Variants in DPP10 observed in about 807,000 individuals in gnomAD.
DPP10 encodes inactive dipeptidyl peptidase 10.
In DPP10, 33 loss-of-function variants were observed where a neutral mutation model predicts 120.9. That is an observed-to-expected ratio of 0.27 (90% CI 0.21 to 0.37). The LOEUF is 0.37. Ranked by LOEUF, DPP10 falls within the 10% of genes least tolerant of loss-of-function variation. The probability of loss-of-function intolerance (pLI) is 1.00; values close to 1 mark genes in which losing one functional copy is unlikely to be tolerated. For synonymous variants in DPP10, 337 were observed against 326.1 expected (o/e 1.03, Z -0.36); for missense variants, 816 against 942.8 (o/e 0.87, Z 1.76).
At chr2:115,245,496 G>A (rs2058493391) in intron 1 of DPP10, among the ~76,000 whole-genome samples, 1 of 152,108 alleles carries the variant, frequency 6.6e-6, no homozygotes, top group South Asian at 2.1e-4. Context: ...TGGCATGGAT[G>A]TGGTGAAAAG....
At chr2:115,401,656 T>C (rs1285330535) in intron 3 of DPP10, among the ~76,000 whole-genome samples, 1 of 152,104 alleles carries the variant, frequency 6.6e-6, no homozygotes, top group Admixed American at 6.5e-5. Context: ...ACAATAGTAA[T>C]GGTAAAATAC....
At chr2:115,542,411 GAT>G (rs1398338995) in intron 5 of DPP10, among the ~76,000 whole-genome samples, 2 of 151,908 alleles carry the variant, frequency 1.3e-5, no homozygotes, top group South Asian at 4.1e-4. Context: ...TGTGTGCCAA[GAT>G]TTTGTTCCTT....
intron 3 of DPP10, among the ~76,000 whole-genome samples, chr2:115,386,403 C>T (rs2066932430): frequency 1.3e-5 from 2 of 152,052 alleles, no homozygotes; most frequent in South Asian, 2.1e-4. Flanking sequence ...CTCAGTGATG[C>T]GAGCACTCAG....
intron 1 of DPP10, among the ~76,000 whole-genome samples, chr2:114,716,802 T>C (rs1701377594): frequency 6.6e-6 from 1 of 152,190 alleles, no homozygotes; most frequent in Non-Finnish European, 1.5e-5. Context: ...TCTCTAAAAA[T>C]CATAGTATTT....
intron 1 of DPP10, among the ~76,000 whole-genome samples, chr2:115,034,152 C>T (rs1704055542): frequency 6.6e-6 from 1 of 152,042 alleles, no homozygotes; most frequent in African/African-American, 2.4e-5. Context: ...GCCTCAGCCT[C>T]CCAGAGTGCT....
At chr2:115,357,852 C>G (rs2064503777) in intron 3 of DPP10, among the ~76,000 whole-genome samples, 1 of 152,178 alleles carries the variant, frequency 6.6e-6, no homozygotes. Context: ...GGACCAACAC[C>G]ATGTGGAAGC....
intron 1 of DPP10, among the ~76,000 whole-genome samples, chr2:114,966,925 C>T (rs1699074495): frequency 6.6e-6 from 1 of 152,032 alleles, no homozygotes; most frequent in South Asian, 2.1e-4. Flanking sequence ...GCCTGTAATC[C>T]CAGCTACTTG....
chr2:114,622,067 T>C (rs1694131231), intron 1 of DPP10, among the ~76,000 whole-genome samples: 1 of 151,908 alleles, frequency 6.6e-6, no homozygotes, highest in Admixed American at 6.6e-5. Context: ...AGTTGAGTAA[T>C]AGACTAATAC....
intron 1 of DPP10, among the ~76,000 whole-genome samples, chr2:114,790,082 CTAA>C (rs1683110624): frequency 6.6e-6 from 1 of 152,092 alleles, no homozygotes; most frequent in South Asian, 2.1e-4. Context: ...GAATATTGTG[CTAA>C]TAAGTGTGAG....
intron 3 of DPP10, among the ~76,000 whole-genome samples, chr2:115,449,146 A>C (rs1395379523): frequency 4.6e-5 from 7 of 152,176 alleles, no homozygotes; most frequent in African/African-American, 1.7e-4. Context: ...AGTTTGATTT[A>C]CGCAAAAAAA....
At chr2:115,449,216 A>C (rs994382873) in intron 3 of DPP10, among the ~76,000 whole-genome samples, 2 of 152,132 alleles carry the variant, frequency 1.3e-5, no homozygotes, top group African/African-American at 4.8e-5. Flanking sequence ...TAAGTTAATA[A>C]ATTTTGGAAA....
intron 1 of DPP10, among the ~76,000 whole-genome samples, chr2:114,720,404 T>C (rs1221853050): frequency 6.6e-6 from 1 of 152,210 alleles, no homozygotes; most frequent in Non-Finnish European, 1.5e-5. Context: ...ACTGCCACGG[T>C]TGAAGGATAA....
chr2:114,634,612 G>C (rs558519291), intron 1 of DPP10, among the ~76,000 whole-genome samples: 1 of 152,002 alleles, frequency 6.6e-6, no homozygotes, highest in African/African-American at 2.4e-5. Context: ...GTGACTTTGA[G>C]CAAATTCCTT....
chr2:114,914,736 C>G (rs922562808), intron 1 of DPP10, among the ~76,000 whole-genome samples: 1 of 152,212 alleles, frequency 6.6e-6, no homozygotes, highest in South Asian at 2.1e-4. Flanking sequence ...AACTGCTCCA[C>G]TTAAAGGGCA....
At chr2:114,488,130 T>C (rs1681668315) in intron 1 of DPP10, among the ~76,000 whole-genome samples, 1 of 152,194 alleles carries the variant, frequency 6.6e-6, no homozygotes, top group South Asian at 2.1e-4. Flanking sequence ...CAAAAATGGC[T>C]TTAAATTTTA....
chr2:115,293,491 G>A (rs1574322800), intron 1 of DPP10, among the ~76,000 whole-genome samples: 2 of 152,076 alleles, frequency 1.3e-5, no homozygotes, highest in East Asian at 1.9e-4. Context: ...TTTCTCTGTA[G>A]TCTGGGAACA....
At chr2:115,522,995 T>C (rs1030630864) in intron 4 of DPP10, among the ~76,000 whole-genome samples, 5 of 152,104 alleles carry the variant, frequency 3.3e-5, no homozygotes, top group African/African-American at 9.7e-5. Context: ...CTAAGAGGGA[T>C]TGACCTAAGA....
At chr2:115,739,932 C>A in intron 9 of DPP10, 39 bp downstream of exon 9, 1 of 1,601,076 alleles carries the variant, frequency 6.2e-7, no homozygotes, top group South Asian at 1.1e-5. Flanking sequence ...CCTTCTCTCT[C>A]TCTGCACTAG....
intron 1 of DPP10, among the ~76,000 whole-genome samples, chr2:114,687,489 A>C (rs1231194602): frequency 6.6e-6 from 1 of 152,012 alleles, no homozygotes; most frequent in East Asian, 1.9e-4. Context: ...AACAACCAGA[A>C]TTATTATTCA....
Sources: allele counts gnomAD v4.1 joint callset (sites outside exome capture counted in the v4.1 genomes callset), GRCh38; gene constraint gnomAD v4.1.1; transcripts MANE v1.5; gene names NCBI Gene and HGNC (gene_info 2026-07-23, HGNC 2026-07-21).